ZNF233: variants seen among roughly 807,000 people sequenced by gnomAD.
The protein encoded by ZNF233 is zinc finger protein 233.
In ZNF233, 7 loss-of-function variants were observed where a neutral mutation model predicts 11.6. The observed-to-expected ratio is 0.60, with a 90% CI of 0.34 to 1.13. The LOEUF is 1.13. Among genes scored for constraint, ZNF233 ranks in the 50% most tolerant of loss-of-function variants. The pLI, the probability that ZNF233 is intolerant of heterozygous loss-of-function variation, is 0.03. For synonymous variants in ZNF233, 226 were observed against 268.5 expected (o/e 0.84, Z 1.55); for missense variants, 711 against 785.5 (o/e 0.91, Z 1.13).
intron 2 of ZNF233, among the ~76,000 whole-genome samples, chr19:44,265,429 G>T (rs1158592618): frequency 2.8e-5 from 4 of 141,344 alleles, no homozygotes; most frequent in African/African-American, 7.9e-5. Flanking sequence ...CTTTTCTTTT[G>T]TTTTTTTTTG....
At chr19:44,272,049 A>G (rs1599877893) in intron 4 of ZNF233, among the ~76,000 whole-genome samples, 1 of 149,490 alleles carries the variant, frequency 6.7e-6, no homozygotes, top group Non-Finnish European at 1.5e-5. Flanking sequence ...ACATGGTGAA[A>G]CCCTGTCTCT....
At chr19:44,269,496 A>C (rs1405252276) in intron 4 of ZNF233, among the ~76,000 whole-genome samples, 3 of 151,986 alleles carry the variant, frequency 2.0e-5, no homozygotes, top group Non-Finnish European at 4.4e-5. Context: ...GGGTTTCACC[A>C]TGTTGGCCAG....
intron 1 of ZNF233, 62 bp downstream of exon 1, chr19:44,260,000 C>T (rs1974887856): frequency 2.3e-6 from 1 of 439,258 alleles, no homozygotes; most frequent in Admixed American, 2.5e-5. Flanking sequence ...GTTGGACTCG[C>T]AGGTGCCTGC....
In ZNF233 at chr19:44,273,979, G is replaced by C; in HGVS notation, c.1319G>C (p.Gly440Ala). ...VSDRIFNRNS[G>A]LHQRVHTGEK... ...GACAGGATATTTAATAGGAATTCTG[G>C]TCTTCACCAGAGAGTTCACACTGGA... The change falls in exon 5 of 5, where the codon GGT (glycine) becomes GCT (alanine). Residue 440 changes from glycine to alanine, a missense_variant. By Grantham distance (60) the Gly-to-Ala change is moderately conservative. Coordinates refer to ENST00000683810, the MANE Select transcript of ZNF233 (RefSeq NM_001207005.2). 1 of 1,613,338 alleles carries C rather than the reference G, an allele frequency of 6.2e-7. No homozygotes were observed. The highest frequency in any genetic ancestry group is 8.5e-7 in the Non-Finnish European group (1 of 1,179,634).
At chr19:44,261,899 G>A (rs1974948633) in intron 1 of ZNF233, among the ~76,000 whole-genome samples, 1 of 152,072 alleles carries the variant, frequency 6.6e-6, no homozygotes, top group South Asian at 2.1e-4. Flanking sequence ...TGATCTGCCT[G>A]CCTTGACCTC....
chr19:44,269,782 A>G (rs1021830898), intron 4 of ZNF233, among the ~76,000 whole-genome samples: 27 of 152,198 alleles, frequency 1.8e-4, no homozygotes, highest in African/African-American at 6.3e-4. Context: ...GAGTTTTGAC[A>G]AAAGGATATA....
In ZNF233 at chr19:44,264,391, A is replaced by G; in HGVS notation, c.15+16A>G. ...CAAGTTTCAGGTGAGTTGAGTTTTG[A>G]TTTTTATCTCTTAAAATGACATCTC... On this transcript the variant is annotated intron_variant, in intron 2 of 4. Coordinates refer to ENST00000683810, the MANE Select transcript of ZNF233 (RefSeq NM_001207005.2). 6.2e-7 allele frequency: 1 copy of G among 1,609,776 alleles called. No homozygotes were observed. The highest frequency in any genetic ancestry group is 2.2e-5 in the East Asian group (1 of 44,676).
chr19:44,266,842 A>G (rs773729574), intron 3 of ZNF233, 24 bp from the exon 4 acceptor site: 5 of 1,582,018 alleles, frequency 3.2e-6, no homozygotes, highest in Non-Finnish European at 3.5e-6. Context: ...TTCACTTTAT[A>G]TATATGCCAT....
chr19:44,270,333 A>AC (rs962308432), intron 4 of ZNF233, among the ~76,000 whole-genome samples: 3 of 138,956 alleles, frequency 2.2e-5, no homozygotes, highest in African/African-American at 7.9e-5. Context: ...ACATGGTGAA[A>AC]CCCCATCTAT....
chr19:44,266,867 C>A lies in ZNF233; in HGVS notation c.144C>A (p.Gly48=). 6.2e-7 allele frequency: 1 copy of A among 1,611,922 alleles called. No homozygotes were observed. The highest frequency in any genetic ancestry group is 8.5e-7 in the Non-Finnish European group (1 of 1,178,766). The change falls in exon 4 of 5, where the codon GGC becomes GGA. Residue 48 remains glycine (G), a splice_region_variant and synonymous_variant. Transcript: ENST00000683810. ...ATATATGCCATTTCTTTTTCACAGG[C>A]TATCAACCCTTCAAACTAGATGTGA... ...LENFRNLLSV[G]YQPFKLDVIL...
At position 44,273,351 on chromosome 19, in the gene ZNF233, G is replaced by A. The variant is rs761468729; in HGVS notation, c.691G>A (p.Glu231Lys). 3 of 1,614,154 alleles carry A rather than the reference G, an allele frequency of 1.9e-6. No individual in the cohort carries two copies. The highest frequency in any genetic ancestry group is 1.7e-6 in the Non-Finnish European group (2 of 1,180,038). Reference sequence around the variant, plus strand: ...TGATGATCATGGAGTACACAAAAGAGAGAAAGCTTTTAGCCACAATAATTG... The same window carrying A: ...TGATGATCATGGAGTACACAAAAGAAAGAAAGCTTTTAGCCACAATAATTG... Reference protein sequence around the residue: ...QHDDHGVHKREKAFSHNNCGK... With the variant: ...QHDDHGVHKRKKAFSHNNCGK... The change falls in exon 5 of 5, where the codon GAG becomes AAG. Residue 231 changes from glutamate (E) to lysine (K), a missense_variant. By Grantham distance (56) the Glu-to-Lys change is moderately conservative. Coordinates refer to ENST00000683810, the MANE Select transcript of ZNF233 (RefSeq NM_001207005.2).
rs1181028380 is a variant in ZNF233, at chr19:44,274,434, T to C, written c.1774T>C (p.Tyr592His). 1 of 1,614,172 alleles carries C rather than the reference T, an allele frequency of 6.2e-7. No homozygotes were observed. Among genetic ancestry groups the C allele is most frequent in the Non-Finnish European group, 8.5e-7 (1 of 1,180,032 alleles). The change falls in exon 5 of 5, where the codon TAC becomes CAC. Residue 592 changes from tyrosine to histidine, a missense_variant. Coordinates refer to ENST00000683810, the MANE Select transcript of ZNF233 (RefSeq NM_001207005.2). ...HQRVHTGEKP[Y>H]KCEECRKGFI... ...GAGAGTCCACACAGGAGAGAAACCA[T>C]ACAAATGTGAAGAATGTAGGAAAGG...
Position 44,273,333 on chromosome 19 carries a change from C to T in ZNF233, c.673C>T (p.His225Tyr). The change falls in exon 5 of 5, where the codon CAT (histidine) becomes TAT (tyrosine). Residue 225 changes from histidine to tyrosine, a missense_variant. Transcript: ENST00000683810. The part of the protein sequence containing the change: ...RQRIAHQHDD[H>Y]GVHKREKAFS... The stretch of plus-strand genomic sequence containing the variant: ...AAGAATTGCTCATCAACATGATGAT[C>T]ATGGAGTACACAAAAGAGAGAAAGC... 1 of 1,614,072 alleles carries T rather than the reference C, an allele frequency of 6.2e-7. No homozygotes were observed. Among genetic ancestry groups the T allele is most frequent in the Non-Finnish European group, 8.5e-7 (1 of 1,180,028 alleles).
intron 2 of ZNF233, among the ~76,000 whole-genome samples, chr19:44,265,405 A>AGT (rs1415523833): frequency 8.2e-6 from 1 of 121,424 alleles, no homozygotes; most frequent in Non-Finnish European, 1.8e-5. Flanking sequence ...ACACACACAC[A>AGT]CACACCACGG....
chr19:44,260,148 C>G, intron 1 of ZNF233: 1 of 242,628 alleles, frequency 4.1e-6, no homozygotes, highest in Non-Finnish European at 8.5e-6. Context: ...CCCGGGCGCT[C>G]AAGTTCCCTC....
At chr19:44,267,042 G>C (rs778673637) in intron 4 of ZNF233, 81 bp downstream of exon 4, 1 of 1,063,968 alleles carries the variant, frequency 9.4e-7, no homozygotes, top group Non-Finnish European at 1.4e-6. Flanking sequence ...CACCAGCCTG[G>C]CCCAAGACCC....
chr19:44,259,998 C>T (rs1974887678), intron 1 of ZNF233, 60 bp downstream of exon 1: 1 of 440,858 alleles, frequency 2.3e-6, no homozygotes, highest in Non-Finnish European at 4.6e-6. Context: ...GCGTTGGACT[C>T]GCAGGTGCCT....
chr19:44,268,711 G>A (rs1476629924), intron 4 of ZNF233, among the ~76,000 whole-genome samples: 1 of 152,038 alleles, frequency 6.6e-6, no homozygotes, highest in Non-Finnish European at 1.5e-5. Context: ...CGAGACTTTT[G>A]GTGAGAGTTG....
rs759797775 is a variant in ZNF233, at chr19:44,274,032, G to A, written c.1372G>A (p.Asp458Asn). The A allele has an allele frequency of 1.1e-5, 18 of 1,597,842 alleles. No individual in the cohort carries two copies. The South Asian group carries it at 2.0e-4, about 18-fold the overall frequency. ...GEKPYKCEVC[D>N]KGFSKASNLQ... is the part of the protein sequence containing the mutation. ...GAAACCATATAAATGTGAGGTATGTGATAAGGGCTTCAGTAAGGCCTCAAA... is the reference window on the plus strand; with the variant it reads ...GAAACCATATAAATGTGAGGTATGTAATAAGGGCTTCAGTAAGGCCTCAAA... Residue 458 changes from aspartate to asparagine, a missense_variant, in exon 5 of 5, where the codon GAT becomes AAT. Asp to Asn is a conservative substitution (Grantham distance 23). Coordinates refer to ENST00000683810, the MANE Select transcript of ZNF233 (RefSeq NM_001207005.2).
Sources: allele counts gnomAD v4.1 joint callset (sites outside exome capture counted in the v4.1 genomes callset), GRCh38; gene constraint gnomAD v4.1.1; transcripts MANE v1.5; gene names NCBI Gene and HGNC (gene_info 2026-07-23, HGNC 2026-07-21).